The following SYNJ2 variants were observed in gnomAD, a reference collection of about 807,000 sequenced individuals.
SYNJ2 encodes synaptojanin 2, also known as polyphosphatidylinositol phosphatase SYNJ2.
SYNJ2 carries 116 observed loss-of-function variants against 141.3 expected under a neutral mutation model. That is an observed-to-expected ratio of 0.82 (90% CI 0.71 to 0.96). The LOEUF is 0.96. Ranked by LOEUF, SYNJ2 falls within the 40% of genes least tolerant of loss-of-function variation. The pLI is 0.00. For missense variants in SYNJ2, 1,873 were observed against 1,934.8 expected (o/e 0.97, Z 0.60); for synonymous variants, 745 against 777.7 (o/e 0.96, Z 0.70).
intron 2 of SYNJ2, 112 bp downstream of exon 2, chr6:158,017,402 C>CTTA: frequency 2.2e-6 from 2 of 890,688 alleles, no homozygotes; most frequent in Non-Finnish European, 3.1e-6. Context: ...TTCTCTCTCT[C>CTTA]TTCTTTTTTT....
chr6:158,045,304 T>C (rs1430308555), intron 5 of SYNJ2, among the ~76,000 whole-genome samples: 1 of 152,012 alleles, frequency 6.6e-6, no homozygotes, highest in Non-Finnish European at 1.5e-5. Context: ...GAGATGGAGT[T>C]TCACCATGTT....
intron 6 of SYNJ2, among the ~76,000 whole-genome samples, chr6:158,058,512 T>A (rs142460494): frequency 6.6e-6 from 1 of 152,230 alleles, no homozygotes; most frequent in African/African-American, 2.4e-5. Flanking sequence ...TAATGCAATA[T>A]AGCACTTAGA....
chr6:158,057,064 GC>G (rs1780910698), intron 6 of SYNJ2, among the ~76,000 whole-genome samples: 2 of 151,966 alleles, frequency 1.3e-5, no homozygotes, highest in Admixed American at 6.6e-5. Context: ...CTCCTTCCCC[GC>G]CCCGCTCTGC....
Position 158,081,533 on chromosome 6 carries a change from G to A in SYNJ2, c.2865+23G>A, listed in dbSNP as rs750738100. On this transcript the variant is annotated intron_variant, in intron 20 of 26. Coordinates refer to ENST00000355585, the MANE Select transcript of SYNJ2 (RefSeq NM_003898.4). ...AAGGTACGCTGTACTTGGCCACACT[G>A]TGGAGTGGGGTCTGATCAATCCCTC... 2.5e-6 allele frequency: 4 copies of A among 1,576,446 alleles called. No homozygotes were observed. The African/African-American group carries it at 5.5e-5, about 22-fold the overall frequency.
intron 1 of SYNJ2, among the ~76,000 whole-genome samples, chr6:158,008,433 G>C (rs1254406185): frequency 6.6e-6 from 1 of 152,228 alleles, no homozygotes; most frequent in African/African-American, 2.4e-5. Context: ...CATTAAAACA[G>C]CTTTCTAGGT....
At chr6:158,001,397 T>TC in intron 1 of SYNJ2, 1 of 147,314 alleles carries the variant, frequency 6.8e-6, no homozygotes, top group East Asian at 2.0e-4. Context: ...CTTTCTTTTT[T>TC]TTTTTTTTTT....
intron 16 of SYNJ2, among the ~76,000 whole-genome samples, chr6:158,076,219 C>A (rs1031306292): frequency 6.6e-6 from 1 of 152,072 alleles, no homozygotes; most frequent in Non-Finnish European, 1.5e-5. Flanking sequence ...TTTCACTCTG[C>A]GCTTCTATGT....
At chr6:158,010,005 C>T (rs929526384) in intron 1 of SYNJ2, among the ~76,000 whole-genome samples, 3 of 152,220 alleles carry the variant, frequency 2.0e-5, no homozygotes, top group Admixed American at 2.0e-4. Context: ...CAGTCTTGAC[C>T]TCCTGGGCTC....
intron 1 of SYNJ2, among the ~76,000 whole-genome samples, chr6:158,011,705 C>G (rs1241643536): frequency 6.6e-6 from 1 of 152,150 alleles, no homozygotes; most frequent in Non-Finnish European, 1.5e-5. Context: ...GGTCATCTTC[C>G]CACCCCTCAA....
intron 4 of SYNJ2, among the ~76,000 whole-genome samples, chr6:158,038,876 GC>G (rs1455220188): frequency 2.0e-5 from 3 of 152,240 alleles, no homozygotes; most frequent in Non-Finnish European, 2.9e-5. Flanking sequence ...TGTGCTGCGC[GC>G]AGCCCAGGAA....
chr6:158,073,558 T>C (rs1312195894), intron 15 of SYNJ2, among the ~76,000 whole-genome samples: 2 of 152,214 alleles, frequency 1.3e-5, no homozygotes, highest in Non-Finnish European at 2.9e-5. Context: ...CTATTTAAAT[T>C]CAAATTAATT....
intron 20 of SYNJ2, among the ~76,000 whole-genome samples, chr6:158,082,953 G>GTT: frequency 6.6e-6 from 1 of 150,526 alleles, no homozygotes; most frequent in Non-Finnish European, 1.5e-5. Flanking sequence ...TTTTTTTTGA[G>GTT]ATGGAGTCTT....
chr6:158,007,152 G>A (rs1040809967), intron 1 of SYNJ2, among the ~76,000 whole-genome samples: 3 of 152,016 alleles, frequency 2.0e-5, no homozygotes, highest in African/African-American at 4.8e-5. Context: ...TATATTTTTA[G>A]AGATGGAGTC....
intron 17 of SYNJ2, 92 bp from the exon 18 acceptor site, chr6:158,078,072 G>C (rs1050967350): frequency 6.0e-6 from 5 of 829,596 alleles, no homozygotes; most frequent in Non-Finnish European, 1.0e-5. Flanking sequence ...GTGGTTCGTG[G>C]CGCAGACCTC....
intron 1 of SYNJ2, among the ~76,000 whole-genome samples, chr6:158,015,687 C>G (rs6922529): frequency 0.011 from 1,668 of 152,246 alleles, 7 homozygotes; most frequent in Non-Finnish European, 0.015. Flanking sequence ...GTTCCCATTA[C>G]TAGTTTTAAA....
Position 158,081,605 on chromosome 6 carries a change from C to CTTTT in SYNJ2, c.2865+122_2865+125dup, listed in dbSNP as rs60234675. 1,053 of 213,062 alleles carry CTTTT rather than the reference C, an allele frequency of 4.9e-3. 35 individuals are homozygous for CTTTT. Among genetic ancestry groups the CTTTT allele is most frequent in the South Asian group, 7.4e-3 (208 of 28,280 alleles). 13.2% of individuals were successfully genotyped at this position (213,062 alleles called of 1,614,324 possible). ...TTCCTCCTCTTGCCCTGACCTGTGC[C>CTTTT]TTTTTTTTTTTTTTTTTTTTTTTTT... On this transcript the variant is annotated intron_variant, in intron 20 of 26. Transcript: ENST00000355585.
In SYNJ2 at chr6:158,033,505, A is replaced by C; in HGVS notation, c.536A>C (p.Asp179Ala). 6.2e-7 allele frequency: 1 copy of C among 1,614,226 alleles called. No homozygotes were observed. The part of the protein sequence containing the change: ...PLRQHQVSCC[D>A]WLLKIICGVV... The stretch of plus-strand genomic sequence containing the variant: ...AGGCAGCACCAGGTGAGCTGCTGTG[A>C]CTGGCTGCTGAAGATCATCTGCGGG... Residue 179 changes from aspartate to alanine, a missense_variant, in exon 4 of 27, where the codon GAC (aspartate) becomes GCC (alanine). Physicochemically the swap from Asp to Ala is moderately radical, Grantham distance 126 (BLOSUM62 -2). Coordinates refer to ENST00000355585, the MANE Select transcript of SYNJ2 (RefSeq NM_003898.4).
rs188851950 is a variant in SYNJ2 at position 158,027,407 on chromosome 6, C to G, written c.215-1349C>G. On this transcript the variant is annotated intron_variant, in intron 2 of 26. Coordinates refer to ENST00000355585, the MANE Select transcript of SYNJ2 (RefSeq NM_003898.4). This position sits in a 1 kb window ranked among gnomAD's most constrained non-coding sequence, Gnocchi z 4.6. ...CCCGATGATCTCTTGGGCCCCGTCC[C>G]GAGAGTGAGGCACGGCGCCACCAGG... The G allele has an allele frequency of 1.2e-3, 229 of 185,630 alleles. 1 individual carries two copies. The highest frequency in any genetic ancestry group is 1.5e-3 in the Non-Finnish European group (144 of 98,630). The allele number at this position is 185,630 out of a possible 1,614,324, so 11.5% of individuals were successfully genotyped here. A position where few individuals can be genotyped will look rare whatever the true frequency, so the allele number is the denominator to read the frequency against.
chr6:158,019,231 A>G (rs1316398952), intron 2 of SYNJ2, among the ~76,000 whole-genome samples: 2 of 152,190 alleles, frequency 1.3e-5, no homozygotes, highest in Non-Finnish European at 2.9e-5. Flanking sequence ...TCGACGAATT[A>G]CAGTAACCGG....
Sources: gnomAD v4.1 joint callset for allele counts (sites outside exome capture counted in the v4.1 genomes callset) on GRCh38, gnomAD v4.1.1 for gene constraint, Gnocchi (gnomAD v3.1) non-coding constraint, MANE v1.5 for transcripts, NCBI Gene and HGNC (gene_info 2026-07-23, HGNC 2026-07-21) for gene names.